The following ITGA9 variants were observed in gnomAD, a reference collection of about 807,000 sequenced individuals.
ITGA9 encodes integrin alpha-9.
A neutral mutation model predicts 127.8 loss-of-function variants in ITGA9; 56 were observed. The observed-to-expected ratio is 0.44, with a 90% CI of 0.35 to 0.55. ITGA9 has a LOEUF of 0.55. Among genes scored for constraint, ITGA9 ranks in the 20% least tolerant of loss-of-function variants. The pLI is 0.00. For missense variants in ITGA9, 1,196 were observed against 1,347.1 expected (o/e 0.89, Z 1.76); for synonymous variants, 508 against 514.5 (o/e 0.99, Z 0.17).
Position 37,819,199 on chromosome 3 carries a change from T to G in ITGA9, c.*210T>G, listed in dbSNP as rs1223185714. The G allele has an allele frequency of 1.7e-6, 1 of 600,174 alleles. No homozygotes were observed. The highest frequency in any genetic ancestry group is 2.8e-5 in the East Asian group (1 of 35,514). 37.2% of individuals were successfully genotyped at this position (600,174 alleles called of 1,614,324 possible). A position where few individuals can be genotyped will look rare whatever the true frequency, so the allele number is the denominator to read the frequency against. On this transcript the variant is annotated 3_prime_UTR_variant, in exon 28 of 28. Coordinates refer to ENST00000264741, the MANE Select transcript of ITGA9 (RefSeq NM_002207.3). ...GGGCCAGCACCACTTCCTTTAAAGATGAACTCTGAACTTTGGAGAGTGAGC... is the reference window on the plus strand; with the variant it reads ...GGGCCAGCACCACTTCCTTTAAAGAGGAACTCTGAACTTTGGAGAGTGAGC...
rs577107713 is a variant in ITGA9 at position 37,523,551 on chromosome 3, C to T, written c.1267C>T (p.Leu423Phe). The change falls in exon 12 of 28, where the codon CTC (leucine) becomes TTC (phenylalanine). Residue 423 changes from leucine (L) to phenylalanine (F), a missense_variant. Coordinates refer to ENST00000264741, the MANE Select transcript of ITGA9 (RefSeq NM_002207.3). ...KLSGQKINPV[L>F]RMFGQSISGG... Reference sequence around the variant, plus strand: ...GTCTGGGCAGAAGATAAATCCAGTGCTCCGGATGTTTGGTCAGTCCATATC... The same window carrying T: ...GTCTGGGCAGAAGATAAATCCAGTGTTCCGGATGTTTGGTCAGTCCATATC... 1.2e-6 allele frequency: 2 copies of T among 1,613,974 alleles called. No individual in the cohort carries two copies. The highest frequency in any genetic ancestry group is 1.3e-5 in the African/African-American group (1 of 75,024).
chr3:37,725,595 T>A (rs1346955445), intron 18 of ITGA9, among the ~76,000 whole-genome samples: 1 of 152,188 alleles, frequency 6.6e-6, no homozygotes, highest in Non-Finnish European at 1.5e-5. Context: ...TGGGAAACCC[T>A]GGGCAAGTGA....
intron 22 of ITGA9, among the ~76,000 whole-genome samples, chr3:37,747,401 A>G (rs1369878332): frequency 1.3e-5 from 2 of 152,208 alleles, no homozygotes; most frequent in African/African-American, 4.8e-5. Context: ...AGACAATCCA[A>G]TTATACTCTT....
chr3:37,741,744 G>T lies in ITGA9; in HGVS notation c.2249G>T (p.Arg750Leu), dbSNP rs373225022. 1 of 1,613,616 alleles carries T rather than the reference G, an allele frequency of 6.2e-7. No individual in the cohort carries two copies. Among genetic ancestry groups the T allele is most frequent in the Admixed American group, 1.7e-5 (1 of 59,964 alleles). Residue 750 changes from arginine (R) to leucine (L), a missense_variant, in exon 21 of 28, where the codon CGC (arginine) becomes CTC (leucine). Arg to Leu is a moderately radical substitution (Grantham distance 102, BLOSUM62 -2). Coordinates refer to ENST00000264741, the MANE Select transcript of ITGA9 (RefSeq NM_002207.3). ...IVTAQSGNTE[R>L]SESLHDNTLV... Reference sequence around the variant, plus strand: ...TCTCTGCACAGTGGCAACACGGAGCGCTCTGAATCCCTGCATGACAACACC... The same window carrying T: ...TCTCTGCACAGTGGCAACACGGAGCTCTCTGAATCCCTGCATGACAACACC...
chr3:37,479,896 G>C (rs2125557929), intron 3 of ITGA9, among the ~76,000 whole-genome samples: 1 of 152,284 alleles, frequency 6.6e-6, no homozygotes, highest in African/African-American at 2.4e-5. Context: ...CACCTTCCAG[G>C]ATTGCAGAAG....
chr3:37,801,340 G>A (rs902507033), intron 26 of ITGA9, among the ~76,000 whole-genome samples: 2 of 152,108 alleles, frequency 1.3e-5, no homozygotes, highest in Admixed American at 6.5e-5. Flanking sequence ...CTAGGGAGCC[G>A]GTCACCTTCT....
At chr3:37,519,782 A>C (rs2045675772) in intron 11 of ITGA9, among the ~76,000 whole-genome samples, 1 of 152,240 alleles carries the variant, frequency 6.6e-6, no homozygotes, top group African/African-American at 2.4e-5. Flanking sequence ...CTGGCCTCAA[A>C]ACCAGGAGCC....
intron 16 of ITGA9, 46 bp from the exon 17 acceptor site, chr3:37,653,668 T>C (rs1700449891): frequency 5.9e-6 from 8 of 1,357,552 alleles, no homozygotes; most frequent in African/African-American, 1.4e-5. Context: ...TGTACTCGTT[T>C]GCCACTCAAT....
intron 11 of ITGA9, among the ~76,000 whole-genome samples, chr3:37,520,632 A>G (rs935809469): frequency 6.6e-6 from 1 of 152,226 alleles, no homozygotes; most frequent in Non-Finnish European, 1.5e-5. Flanking sequence ...TATCCAGACC[A>G]TCCTCTTTTC....
chr3:37,581,731 C>T lies in ITGA9; in HGVS notation c.1689+39146C>T, dbSNP rs112729486. Among the ~76,000 whole-genome samples, 494 of 152,292 alleles carry T rather than the reference C, an allele frequency of 3.2e-3. 2 individuals carry two copies. The highest frequency in any genetic ancestry group is 0.011 in the African/African-American group (469 of 41,540). On this transcript the variant is annotated intron_variant, in intron 15 of 27. Coordinates refer to ENST00000264741, the MANE Select transcript of ITGA9 (RefSeq NM_002207.3). ...ATGACTTCGGTGCCCTCCCTGCAGCCGTCTGCTTTAATTGTCAGAACAAAG... is the reference window on the plus strand; with the variant it reads ...ATGACTTCGGTGCCCTCCCTGCAGCTGTCTGCTTTAATTGTCAGAACAAAG...
intron 4 of ITGA9, among the ~76,000 whole-genome samples, chr3:37,484,771 T>A (rs1177909628): frequency 6.6e-6 from 1 of 152,168 alleles, no homozygotes; most frequent in Non-Finnish European, 1.5e-5. Flanking sequence ...AACAGTGTAA[T>A]CTCAGATGGG....
At chr3:37,480,058 T>A (rs1424641609) in intron 3 of ITGA9, among the ~76,000 whole-genome samples, 4 of 152,092 alleles carry the variant, frequency 2.6e-5, no homozygotes, top group Admixed American at 1.3e-4. Context: ...TGAACTGATA[T>A]CAGAAGTGAG....
At chr3:37,737,116 T>A in intron 20 of ITGA9, 133 bp downstream of exon 20, 1 of 726,328 alleles carries the variant, frequency 1.4e-6, no homozygotes, top group Non-Finnish European at 2.5e-6. Flanking sequence ...GATAAAGCCT[T>A]GAGCCGCAAA....
At chr3:37,489,671 C>A (rs1698646936) in intron 4 of ITGA9, among the ~76,000 whole-genome samples, 1 of 146,278 alleles carries the variant, frequency 6.8e-6, no homozygotes, top group Non-Finnish European at 1.5e-5. Context: ...ATTCTCTCTT[C>A]ATTTTTCTGT....
chr3:37,574,739 C>T (rs1490008146), intron 15 of ITGA9, among the ~76,000 whole-genome samples: 3 of 152,134 alleles, frequency 2.0e-5, no homozygotes, highest in Admixed American at 2.0e-4. Context: ...GTCACAGGCG[C>T]CACAGCTGTG....
chr3:37,680,953 G>C (rs1255459665), intron 17 of ITGA9, among the ~76,000 whole-genome samples: 1 of 152,218 alleles, frequency 6.6e-6, no homozygotes, highest in East Asian at 1.9e-4. Flanking sequence ...CATCTTGTTT[G>C]GATCCTCAGA....
chr3:37,598,644 T>A (rs956923677), intron 15 of ITGA9, among the ~76,000 whole-genome samples: 5 of 152,260 alleles, frequency 3.3e-5, no homozygotes, highest in Middle Eastern at 3.4e-3. Flanking sequence ...TGCTGCTCTA[T>A]GGGATTTTGC....
In ITGA9 at chr3:37,799,502, G is replaced by A. The variant is rs939450601; in HGVS notation, c.2890-4321G>A. Among the ~76,000 whole-genome samples the A allele has an allele frequency of 8.7e-5, 13 of 149,574 alleles. No homozygotes were observed. The highest frequency in any genetic ancestry group is 3.3e-4 in the Admixed American group (5 of 15,156). ...GCCTGCAGAGAGGCTGGGGACCACCGGTCTCACAGAGGAGAGGCCTCTAAC... is the reference window on the plus strand; with the variant it reads ...GCCTGCAGAGAGGCTGGGGACCACCAGTCTCACAGAGGAGAGGCCTCTAAC... On this transcript the variant is annotated intron_variant, in intron 26 of 27. Transcript: ENST00000264741. This position sits in a 1 kb window ranked among gnomAD's most constrained non-coding sequence, Gnocchi z 4.0.
chr3:37,559,471 A>G (rs1699464723), intron 15 of ITGA9, among the ~76,000 whole-genome samples: 1 of 152,226 alleles, frequency 6.6e-6, no homozygotes, highest in Non-Finnish European at 1.5e-5. Context: ...CCACTGAAAA[A>G]TACGCAAATG....
Sources: gnomAD v4.1 joint callset for allele counts (sites outside exome capture counted in the v4.1 genomes callset) on GRCh38, gnomAD v4.1.1 for gene constraint, Gnocchi (gnomAD v3.1) non-coding constraint, MANE v1.5 for transcripts, NCBI Gene and HGNC (gene_info 2026-07-23, HGNC 2026-07-21) for gene names.